RIMS4: variants seen among roughly 807,000 people sequenced by gnomAD.
RIMS4 encodes regulating synaptic membrane exocytosis 4, also known as regulating synaptic membrane exocytosis protein 4.
RIMS4 carries 9 observed loss-of-function variants against 29.0 expected under a neutral mutation model. The observed-to-expected ratio is 0.31, with a 90% CI of 0.19 to 0.54. RIMS4 has a LOEUF of 0.54. Ranked by LOEUF, RIMS4 falls within the 20% of genes least tolerant of loss-of-function variation. The pLI is 0.94. For synonymous variants in RIMS4, 130 were observed against 152.9 expected, an observed-to-expected ratio of 0.85 and a Z score of 1.10; for missense variants, 193 against 365.7, an observed-to-expected ratio of 0.53 and a Z score of 3.85.
intron 1 of RIMS4, among the ~76,000 whole-genome samples, chr20:44,774,897 CA>C (rs1197964607): frequency 1.3e-5 from 2 of 152,100 alleles, no homozygotes; most frequent in Admixed American, 1.3e-4. Context: ...CCACCTCTTT[CA>C]CCAACTAACT....
At chr20:44,799,273 A>G (rs1360213372) in intron 1 of RIMS4, among the ~76,000 whole-genome samples, 1 of 152,090 alleles carries the variant, frequency 6.6e-6, no homozygotes, top group Non-Finnish European at 1.5e-5. Flanking sequence ...ACTGCACTCT[A>G]GACTGGGCAA....
intron 1 of RIMS4, among the ~76,000 whole-genome samples, chr20:44,793,740 G>A (rs140095860): frequency 6.6e-6 from 1 of 152,130 alleles, no homozygotes; most frequent in East Asian, 1.9e-4. Flanking sequence ...TAATGCTGGC[G>A]ACCTGAGATC....
At chr20:44,759,526 T>C (rs1452331254) in intron 2 of RIMS4, among the ~76,000 whole-genome samples, 1 of 152,200 alleles carries the variant, frequency 6.6e-6, no homozygotes, top group African/African-American at 2.4e-5. Context: ...CCCAAAGTGC[T>C]GGGATTACAG....
intron 1 of RIMS4, among the ~76,000 whole-genome samples, chr20:44,773,800 T>C (rs940953189): frequency 6.6e-5 from 10 of 152,324 alleles, no homozygotes; most frequent in Non-Finnish European, 1.5e-4. Flanking sequence ...CAGGTGAGCA[T>C]GCCTTTGCAG....
chr20:44,778,572 G>A (rs539286170), intron 1 of RIMS4, among the ~76,000 whole-genome samples: 1 of 152,278 alleles, frequency 6.6e-6, no homozygotes, highest in African/African-American at 2.4e-5. Flanking sequence ...GGCTGTGGTG[G>A]GAGGATTGCT....
At chr20:44,798,663 C>T (rs541782847) in intron 1 of RIMS4, among the ~76,000 whole-genome samples, 1 of 152,340 alleles carries the variant, frequency 6.6e-6, no homozygotes, top group East Asian at 1.9e-4. Flanking sequence ...ATAGGAGCTG[C>T]CTTGCCCCAA....
chr20:44,770,967 C>T (rs982760207), intron 2 of RIMS4, among the ~76,000 whole-genome samples: 2 of 152,214 alleles, frequency 1.3e-5, no homozygotes, highest in Admixed American at 6.5e-5. Context: ...CATAACACCC[C>T]TATGAAGCTG....
intron 1 of RIMS4, among the ~76,000 whole-genome samples, chr20:44,809,945 G>A (rs2066316071): frequency 6.6e-6 from 1 of 151,942 alleles, no homozygotes; most frequent in Non-Finnish European, 1.5e-5. Flanking sequence ...CGACCCAAAG[G>A]GCCCACCTGC....
chr20:44,794,311 C>G (rs1345441359), intron 1 of RIMS4, among the ~76,000 whole-genome samples: 1 of 152,112 alleles, frequency 6.6e-6, no homozygotes, highest in South Asian at 2.1e-4. Context: ...TGAGGAGTCG[C>G]ATCTGTAGGC....
intron 1 of RIMS4, among the ~76,000 whole-genome samples, chr20:44,795,734 G>A (rs2066252165): frequency 6.6e-6 from 1 of 152,172 alleles, no homozygotes; most frequent in South Asian, 2.1e-4. Flanking sequence ...GGGGTGCCAT[G>A]TGAGCCATGG....
intron 1 of RIMS4, among the ~76,000 whole-genome samples, chr20:44,800,641 G>A (rs937984776): frequency 6.6e-6 from 1 of 151,972 alleles, no homozygotes; most frequent in Non-Finnish European, 1.5e-5. Flanking sequence ...GCAGAGTCAG[G>A]GGGAGACAAA....
chr20:44,784,210 T>TCCCCACAAAGGG (rs1249729970), intron 1 of RIMS4, among the ~76,000 whole-genome samples: 1 of 152,128 alleles, frequency 6.6e-6, no homozygotes, highest in Non-Finnish European at 1.5e-5. Flanking sequence ...TGCACATGTA[T>TCCCCACAAAGGG]CCCCACAAAG....
At chr20:44,788,511 A>C (rs746476939) in intron 1 of RIMS4, among the ~76,000 whole-genome samples, 15 of 152,158 alleles carry the variant, frequency 9.9e-5, no homozygotes, top group Admixed American at 2.6e-4. Context: ...AGTGGTCCAT[A>C]CTTATAATCC....
intron 1 of RIMS4, among the ~76,000 whole-genome samples, chr20:44,795,276 T>C (rs2066249792): frequency 1.3e-5 from 2 of 152,256 alleles, no homozygotes; most frequent in Admixed American, 6.5e-5. Context: ...GAATTCTGCC[T>C]TGGACCCTGT....
Position 44,810,223 on chromosome 20 carries a change from G to A in RIMS4, c.49C>T (p.Leu17Phe), listed in dbSNP as rs1383896956. 6.3e-7 allele frequency: 1 copy of A among 1,578,156 alleles called. No homozygotes were observed. ...RLSLSASFEA[L>F]AIYFPCMNSF... ...TTCATGCACGGGAAGTAGATGGCGA[G>A]CGCCTCGAAGGAGGCGGACAGACTG... Residue 17 changes from leucine (L) to phenylalanine (F), a missense_variant, in exon 1 of 6, where the codon CTC becomes TTC. Physicochemically the swap from Leu to Phe is conservative, Grantham distance 22 (BLOSUM62 0). Transcript: ENST00000372851.
At position 44,756,140 on chromosome 20, in the gene RIMS4, T is replaced by A; in HGVS notation, c.804A>T (p.Arg268=). 6.3e-7 allele frequency: 1 copy of A among 1,599,430 alleles called. No individual in the cohort carries two copies. The highest frequency in any genetic ancestry group is 8.5e-7 in the Non-Finnish European group (1 of 1,171,034). The change falls in exon 6 of 6, where the codon CGA becomes CGT. Residue 268 remains arginine, a synonymous_variant. Coordinates refer to ENST00000372851, the MANE Select transcript of RIMS4 (RefSeq NM_182970.4). This position sits in a 1 kb window ranked among gnomAD's most constrained non-coding sequence, Gnocchi z 5.9. The stretch of plus-strand genomic sequence containing the variant: ...GCCCCTCCCCATTCCAGCACTAAGA[T>A]CGTTCTCCGCAGGGCCCCACGGTGC... The part of the protein sequence containing the change: ...LESTVGPCGE[R]S
chr20:44,806,191 G>A (rs963401817), intron 1 of RIMS4, among the ~76,000 whole-genome samples: 3 of 150,918 alleles, frequency 2.0e-5, no homozygotes, highest in East Asian at 4.0e-4. Context: ...CAGCTTCTCC[G>A]CCCTTCTCCC....
intron 3 of RIMS4, 33 bp downstream of exon 3, chr20:44,758,039 T>C (rs776155928): frequency 2.7e-6 from 4 of 1,473,192 alleles, no homozygotes; most frequent in South Asian, 2.4e-5. Context: ...CCAACTCCCC[T>C]AGTCCATTTG....
chr20:44,797,745 C>T lies in RIMS4; in HGVS notation c.97+12430G>A, dbSNP rs558453691. Among the ~76,000 whole-genome samples, 3 of 152,354 alleles carry T rather than the reference C, an allele frequency of 2.0e-5. No individual in the cohort carries two copies. The South Asian group carries it at 6.2e-4, about 32-fold the overall frequency. On this transcript the variant is annotated intron_variant, in intron 1 of 5. Transcript: ENST00000372851. ...AATTTAAAGCTGTTCCCTGCACACA[C>T]ATTGTCTCCTCAGCAAAGGCAGAGG...
Sources: gnomAD v4.1 joint callset for allele counts (sites outside exome capture counted in the v4.1 genomes callset) on GRCh38, gnomAD v4.1.1 for gene constraint, Gnocchi (gnomAD v3.1) non-coding constraint, MANE v1.5 for transcripts, NCBI Gene and HGNC (gene_info 2026-07-23, HGNC 2026-07-21) for gene names.